The following ATCAY variants were observed in gnomAD, a reference collection of about 807,000 sequenced individuals.
The protein encoded by ATCAY is caytaxin.
Under a neutral mutation model 47.7 loss-of-function variants are expected in ATCAY, and 22 were observed. That is an observed-to-expected ratio of 0.46 (90% CI 0.33 to 0.66). The LOEUF is 0.66. ATCAY is among the 30% of genes least tolerant of loss of function. The pLI is 0.02. For synonymous variants in ATCAY, 216 were observed against 207.6 expected (o/e 1.04, Z -0.35); for missense variants, 452 against 515.0 (o/e 0.88, Z 1.18).
chr19:3,903,921 G>A (rs557061594), intron 3 of ATCAY, among the ~76,000 whole-genome samples: 169 of 148,598 alleles, frequency 1.1e-3, no homozygotes, highest in African/African-American at 4.0e-3. Context: ...GGCAGATCAC[G>A]AGGTCAGGAG....
chr19:3,912,493 G>A (rs989193285), intron 8 of ATCAY, among the ~76,000 whole-genome samples: 1 of 152,028 alleles, frequency 6.6e-6, no homozygotes, highest in Non-Finnish European at 1.5e-5. Flanking sequence ...TGTATTTTTA[G>A]TAGAGATGGG....
chr19:3,915,229 A>C (rs8106299), intron 9 of ATCAY, among the ~76,000 whole-genome samples: 2 of 148,668 alleles, frequency 1.3e-5, no homozygotes, highest in African/African-American at 4.9e-5. Flanking sequence ...CTGGAGTGCA[A>C]TGGCGCCATC....
At chr19:3,895,096 T>A (rs1320740214) in intron 2 of ATCAY, 1 of 455,994 alleles carries the variant, frequency 2.2e-6, no homozygotes, top group Non-Finnish European at 4.4e-6. Flanking sequence ...CTTATTTGCT[T>A]ATTGTCTTCC....
At chr19:3,881,723 G>A (rs2038601433) in intron 1 of ATCAY, among the ~76,000 whole-genome samples, 1 of 151,764 alleles carries the variant, frequency 6.6e-6, no homozygotes, top group Admixed American at 6.6e-5. Context: ...GGGGCTGGTG[G>A]GAGTGTTCCT....
In ATCAY at chr19:3,902,546, G is replaced by T. The variant is rs1377280604; in HGVS notation, c.136+1G>T. 1 of 1,568,706 alleles carries T rather than the reference G, an allele frequency of 6.4e-7. No individual in the cohort carries two copies. Among genetic ancestry groups the T allele is most frequent in the South Asian group, 1.2e-5 (1 of 85,164 alleles). ...GGCAGCCCGGTGGAAGACACATCCTGTAAGTTTCCACGTCCACAGAAGGGC... is the reference window on the plus strand; with the variant it reads ...GGCAGCCCGGTGGAAGACACATCCTTTAAGTTTCCACGTCCACAGAAGGGC... On this transcript the variant is annotated splice_donor_variant, in intron 3 of 12. Coordinates refer to ENST00000450849, the MANE Select transcript of ATCAY (RefSeq NM_033064.5). LOFTEE classifies it high-confidence loss of function.
intron 11 of ATCAY, among the ~76,000 whole-genome samples, chr19:3,919,387 A>T (rs559712376): frequency 6.7e-6 from 1 of 148,854 alleles, no homozygotes; most frequent in East Asian, 2.0e-4. Context: ...AGGCCAAGAG[A>T]TCGAGACCAG....
chr19:3,909,522 G>A lies in ATCAY; in HGVS notation c.684G>A (p.Glu228=). The A allele has an allele frequency of 6.2e-7, 1 of 1,613,844 alleles. No individual in the cohort carries two copies. The highest frequency in any genetic ancestry group is 8.5e-7 in the Non-Finnish European group (1 of 1,179,850). ...GCAGCTTAGAGCTCCTGGTGGCTGAGGACTACATGATCGTGTACCTGAACG... is the reference window on the plus strand; with the variant it reads ...GCAGCTTAGAGCTCCTGGTGGCTGAAGACTACATGATCGTGTACCTGAACG... ...VISSLELLVA[E]DYMIVYLNGA... Residue 228 remains glutamate, a synonymous_variant, in exon 7 of 13, where the codon GAG becomes GAA. Coordinates refer to ENST00000450849, the MANE Select transcript of ATCAY (RefSeq NM_033064.5).
At chr19:3,916,869 G>A (rs1568452801) in intron 9 of ATCAY, among the ~76,000 whole-genome samples, 1 of 151,494 alleles carries the variant, frequency 6.6e-6, no homozygotes, top group East Asian at 1.9e-4. Context: ...ACGCAATGGC[G>A]CAATCTCGGC....
chr19:3,900,662 G>A (rs1215183830), intron 2 of ATCAY, among the ~76,000 whole-genome samples: 5 of 151,520 alleles, frequency 3.3e-5, no homozygotes, highest in African/African-American at 7.3e-5. Flanking sequence ...TCAGCCTCCT[G>A]ATAGCTGGGA....
At chr19:3,919,110 T>G (rs1206313109) in intron 11 of ATCAY, among the ~76,000 whole-genome samples, 2 of 151,016 alleles carry the variant, frequency 1.3e-5, no homozygotes, top group Non-Finnish European at 2.9e-5. Flanking sequence ...AAACCTCATC[T>G]CTACTAAAAA....
intron 8 of ATCAY, 109 bp downstream of exon 8, chr19:3,910,998 T>TG: frequency 8.2e-7 from 1 of 1,221,754 alleles, no homozygotes; most frequent in Non-Finnish European, 1.2e-6. Flanking sequence ...CGTGTGTGCA[T>TG]CTGTGTGTGT....
chr19:3,892,523 G>A (rs1488053502), intron 2 of ATCAY, among the ~76,000 whole-genome samples: 1 of 151,984 alleles, frequency 6.6e-6, no homozygotes, highest in Non-Finnish European at 1.5e-5. Flanking sequence ...TTCCAAACTT[G>A]GAAAAAAATT....
chr19:3,893,709 C>T (rs1022158046), intron 2 of ATCAY: 3 of 152,290 alleles, frequency 2.0e-5, no homozygotes, highest in African/African-American at 7.2e-5. Flanking sequence ...AGCAGTGGGT[C>T]TTCCTTCAGG....
chr19:3,898,092 A>C (rs1490503341), intron 2 of ATCAY, among the ~76,000 whole-genome samples: 3 of 152,130 alleles, frequency 2.0e-5, no homozygotes, highest in African/African-American at 7.2e-5. Flanking sequence ...CTATCTACTA[A>C]GTCAGCCCCA....
chr19:3,917,845 A>T, intron 10 of ATCAY, 68 bp downstream of exon 10: 1 of 1,556,868 alleles, frequency 6.4e-7, no homozygotes. Context: ...ACTCTCAGTT[A>T]GGGCAACCCG....
intron 12 of ATCAY, among the ~76,000 whole-genome samples, chr19:3,922,861 C>T (rs1372395558): frequency 6.6e-6 from 1 of 152,172 alleles, no homozygotes; most frequent in Non-Finnish European, 1.5e-5. Context: ...TCTCTTGCCT[C>T]AGCCTCCCAA....
At chr19:3,914,549 A>ATAATCCCAGCACTG (rs2038950875) in intron 9 of ATCAY, among the ~76,000 whole-genome samples, 1 of 152,022 alleles carries the variant, frequency 6.6e-6, no homozygotes, top group Non-Finnish European at 1.5e-5. Context: ...GCTCACACCT[A>ATAATCCCAGCACTG]TAATCCCAGC....
Position 3,909,534 on chromosome 19 carries a change from C to T in ATCAY, c.696C>T (p.Ile232=), listed in dbSNP as rs199586367. The T allele has an allele frequency of 1.2e-6, 2 of 1,613,790 alleles. No individual in the cohort carries two copies. Among genetic ancestry groups the T allele is most frequent in the Non-Finnish European group, 8.5e-7 (1 of 1,179,860 alleles). Residue 232 remains isoleucine (I), a synonymous_variant, in exon 7 of 13, where the codon ATC becomes ATT. Transcript: ENST00000450849. ...LELLVAEDYM[I]VYLNGATPRR... ...TCCTGGTGGCTGAGGACTACATGAT[C>T]GTGTACCTGAACGGTGCCACGCCCC...
chr19:3,917,459 C>T (rs780036729), intron 9 of ATCAY, among the ~76,000 whole-genome samples: 8 of 151,180 alleles, frequency 5.3e-5, no homozygotes, highest in Non-Finnish European at 8.8e-5. Context: ...TAGCAGGTGC[C>T]TGTAAGTCCC....
Sources: gnomAD v4.1 joint callset for allele counts (sites outside exome capture counted in the v4.1 genomes callset) on GRCh38, gnomAD v4.1.1 for gene constraint, MANE v1.5 for transcripts, NCBI Gene and HGNC (gene_info 2026-07-23, HGNC 2026-07-21) for gene names.